MIR2052HG: variants seen among roughly 807,000 people sequenced by gnomAD.
MIR2052HG encodes the protein MIR2052 host gene.
chr8:74,641,679 A>G (rs577357626), intron 2 of MIR2052HG, among the ~76,000 whole-genome samples: 1 of 152,266 alleles, frequency 6.6e-6, no homozygotes, highest in African/African-American at 2.4e-5. Context: ...TAAGCAAAAG[A>G]CAAGCTGATG....
chr8:74,661,576 C>T (rs190767897), intron 2 of MIR2052HG, among the ~76,000 whole-genome samples: 92 of 152,260 alleles, frequency 6.0e-4, no homozygotes, highest in Admixed American at 3.7e-3. Context: ...ACAAGAGGTT[C>T]ATTGCACATT....
intron 2 of MIR2052HG, among the ~76,000 whole-genome samples, chr8:74,698,829 C>T (rs539267145): frequency 7.9e-5 from 12 of 152,142 alleles, no homozygotes; most frequent in African/African-American, 1.2e-4. Context: ...TCAATAGGTG[C>T]GGCAAAGCAC....
At chr8:74,736,069 T>C (rs968116787) in intron 4 of MIR2052HG, among the ~76,000 whole-genome samples, 7 of 152,178 alleles carry the variant, frequency 4.6e-5, no homozygotes, top group Non-Finnish European at 4.4e-5. Flanking sequence ...AAATGTGTGT[T>C]AGAGGGAACT....
At chr8:74,673,516 T>C (rs992627249) in intron 2 of MIR2052HG, among the ~76,000 whole-genome samples, 22 of 152,040 alleles carry the variant, frequency 1.4e-4, no homozygotes, top group African/African-American at 4.8e-4. Context: ...CATCTTATTA[T>C]GCTACAGGGT....
At chr8:74,682,118 AC>A (rs2128739166) in intron 2 of MIR2052HG, among the ~76,000 whole-genome samples, 1 of 152,302 alleles carries the variant, frequency 6.6e-6, no homozygotes, top group East Asian at 1.9e-4. Flanking sequence ...ACATATCAAA[AC>A]ATCATGTTGT....
chr8:74,618,642 C>A (rs1808318162), intron 2 of MIR2052HG, among the ~76,000 whole-genome samples: 2 of 152,040 alleles, frequency 1.3e-5, no homozygotes, highest in Admixed American at 1.3e-4. Context: ...AAGAAATGTA[C>A]CAAAACAAAA....
chr8:74,739,619 A>T (rs1809805732), intron 4 of MIR2052HG, among the ~76,000 whole-genome samples: 1 of 152,214 alleles, frequency 6.6e-6, no homozygotes, highest in Admixed American at 6.5e-5. Flanking sequence ...TGATTGAAAA[A>T]AAATTAATAT....
chr8:74,651,263 A>C (rs1025122078), intron 2 of MIR2052HG, among the ~76,000 whole-genome samples: 1 of 151,904 alleles, frequency 6.6e-6, no homozygotes, highest in East Asian at 1.9e-4. Context: ...CAAATTATTG[A>C]CAATTTTTGA....
Position 74,730,793 on chromosome 8 carries a change from A to G in MIR2052HG, n.372-21648A>G, listed in dbSNP as rs1444465212. On this transcript the variant is annotated intron_variant and non_coding_transcript_variant, in intron 4 of 6. Coordinates refer to ENST00000523442, the Ensembl canonical transcript of MIR2052HG. Reference sequence around the variant, plus strand: ...TTGATTAACTGTTGAAGCAATTTTTATGAAAACTAAAAAGAGGGGTCTGTA... The same window carrying G: ...TTGATTAACTGTTGAAGCAATTTTTGTGAAAACTAAAAAGAGGGGTCTGTA... Among the ~76,000 whole-genome samples, 7 of 88,210 alleles carry G rather than the reference A, an allele frequency of 7.9e-5. No individual in the cohort carries two copies. In the East Asian group the frequency reaches 3.0e-3, roughly 37 times the overall value. 57.9% of individuals were successfully genotyped at this position (88,210 alleles called of 152,430 possible). A position where few individuals can be genotyped will look rare whatever the true frequency, so the allele number is the denominator to read the frequency against.
intron 2 of MIR2052HG, among the ~76,000 whole-genome samples, chr8:74,622,773 C>A (rs148092043): frequency 6.6e-6 from 1 of 151,890 alleles, no homozygotes; most frequent in Non-Finnish European, 1.5e-5. Context: ...AAACGAGGCA[C>A]ACTGTTGGTG....
At chr8:74,632,877 T>C (rs1808534242) in intron 2 of MIR2052HG, among the ~76,000 whole-genome samples, 1 of 152,190 alleles carries the variant, frequency 6.6e-6, no homozygotes, top group South Asian at 2.1e-4. Context: ...CTCTGTTTTA[T>C]GATATAGCCA....
chr8:74,733,132 CA>C (rs1211385311), intron 4 of MIR2052HG, among the ~76,000 whole-genome samples: 3 of 151,374 alleles, frequency 2.0e-5, no homozygotes, highest in Admixed American at 2.0e-4. Context: ...GCACAATGTG[CA>C]GGTTAGTTAC....
intron 1 of MIR2052HG, among the ~76,000 whole-genome samples, chr8:74,612,146 C>G (rs925678923): frequency 6.6e-6 from 1 of 152,216 alleles, no homozygotes; most frequent in African/African-American, 2.4e-5. Flanking sequence ...CACCCTGTTT[C>G]TAGGGCCAAC....
At chr8:74,640,850 C>G (rs1399429618) in intron 2 of MIR2052HG, among the ~76,000 whole-genome samples, 3 of 152,200 alleles carry the variant, frequency 2.0e-5, no homozygotes, top group Non-Finnish European at 2.9e-5. Flanking sequence ...CTTACTTCAA[C>G]AAGAATAAAC....
chr8:74,718,007 T>C (rs1415272467), intron 4 of MIR2052HG, among the ~76,000 whole-genome samples: 1 of 152,196 alleles, frequency 6.6e-6, no homozygotes, highest in Non-Finnish European at 1.5e-5. Context: ...TTTTATATTA[T>C]AAACATGTTT....
In MIR2052HG at chr8:74,727,244, T is replaced by G. The variant is rs185052407; in HGVS notation, n.371+23562T>G. On this transcript the variant is annotated intron_variant and non_coding_transcript_variant, in intron 4 of 6. Transcript: ENST00000523442. ...CATATCCTTGTACTGTTTGCAAAATTTAATTATTCTGTGATAATCAGCTAA... is the reference window on the plus strand; with the variant it reads ...CATATCCTTGTACTGTTTGCAAAATGTAATTATTCTGTGATAATCAGCTAA... Among the ~76,000 whole-genome samples the G allele has an allele frequency of 4.5e-4, 69 of 152,330 alleles. 1 individual carries two copies. In the East Asian group the frequency reaches 0.011, roughly 25 times the overall value.
At chr8:74,612,910 G>T (rs1230371088) in exon 2 of MIR2052HG, 1 of 456,240 alleles carries the variant, frequency 2.2e-6, no homozygotes, top group South Asian at 1.5e-5. Context: ...CAAGTGGAGA[G>T]CCAGAAAAGG....
At chr8:74,648,128 A>G (rs1455366683) in intron 2 of MIR2052HG, among the ~76,000 whole-genome samples, 1 of 152,180 alleles carries the variant, frequency 6.6e-6, no homozygotes, top group Non-Finnish European at 1.5e-5. Flanking sequence ...TTCTCCCAGA[A>G]AGCTATAGAC....
intron 4 of MIR2052HG, among the ~76,000 whole-genome samples, chr8:74,747,898 C>T (rs1563545712): frequency 6.6e-6 from 1 of 152,132 alleles, no homozygotes; most frequent in South Asian, 2.1e-4. Context: ...GAAAATTTTC[C>T]TCATGAAATG....
Sources: gnomAD v4.1 joint callset for allele counts (sites outside exome capture counted in the v4.1 genomes callset) on GRCh38, gnomAD v4.1.1 for gene constraint, MANE v1.5 for transcripts, NCBI Gene and HGNC (gene_info 2026-07-23, HGNC 2026-07-21) for gene names.